ABLIM2: variants seen among roughly 807,000 people sequenced by gnomAD.
ABLIM2 encodes actin binding LIM protein family member 2.
ABLIM2 carries 53 observed loss-of-function variants against 97.7 expected under a neutral mutation model. The observed-to-expected ratio is 0.54, with a 90% CI of 0.44 to 0.68. The LOEUF is 0.68. Among genes scored for constraint, ABLIM2 ranks in the 30% least tolerant of loss-of-function variants. The probability of loss-of-function intolerance (pLI) is 0.00; values close to 1 mark genes in which losing one functional copy is unlikely to be tolerated. For missense variants in ABLIM2, 835 were observed against 867.2 expected (o/e 0.96, Z 0.47); for synonymous variants, 361 against 345.8 (o/e 1.04, Z -0.49).
Position 8,054,012 on chromosome 4 carries a change from T to C in ABLIM2, c.822+176A>G, listed in dbSNP as rs1797545105. 6.6e-6 allele frequency among the ~76,000 whole-genome samples: 1 copy of C among 152,218 alleles called. No individual in the cohort carries two copies. Among genetic ancestry groups the C allele is most frequent in the South Asian group, 2.1e-4 (1 of 4,822 alleles). ...AGATGCCCTTGTTCCATCTGTATTA[T>C]TGCTCACCAGTCTACTTGTTTACCC... On this transcript the variant is annotated intron_variant, in intron 8 of 20. Transcript: ENST00000447017. The surrounding 1 kb of genome is among the most constrained non-coding windows in gnomAD (Gnocchi z 4.9).
At chr4:8,093,039 G>A (rs1273842856) in intron 3 of ABLIM2, among the ~76,000 whole-genome samples, 1 of 152,034 alleles carries the variant, frequency 6.6e-6, no homozygotes, top group African/African-American at 2.4e-5. Context: ...AGTAGAGACA[G>A]GGTTTCACCA....
rs1007300004 is a variant in ABLIM2, at chr4:8,087,083, G to A, written c.454+1086C>T. Among the ~76,000 whole-genome samples, 3 of 152,206 alleles carry A rather than the reference G, an allele frequency of 2.0e-5. No homozygotes were observed. Among genetic ancestry groups the A allele is most frequent in the Admixed American group, 1.3e-4 (2 of 15,284 alleles). On this transcript the variant is annotated intron_variant, in intron 4 of 20. Coordinates refer to ENST00000447017, the MANE Select transcript of ABLIM2 (RefSeq NM_001130083.2). This position sits in a 1 kb window ranked among gnomAD's most constrained non-coding sequence, Gnocchi z 4.6. ...TCAACGCAGCAGACAAGGTGGGGGAGAAAGGAGGCATTTGACACAGGAGAG... is the reference window on the plus strand; with the variant it reads ...TCAACGCAGCAGACAAGGTGGGGGAAAAAGGAGGCATTTGACACAGGAGAG...
rs1775162570 is a variant in ABLIM2 at position 8,023,278 on chromosome 4, T to C, written c.1268-2975A>G. Among the ~76,000 whole-genome samples, 1 of 152,182 alleles carries C rather than the reference T, an allele frequency of 6.6e-6. No individual in the cohort carries two copies. Among genetic ancestry groups the C allele is most frequent in the Non-Finnish European group, 1.5e-5 (1 of 68,026 alleles). ...CGGGTGTCACCTGATGTTCTTCCGC[T>C]CCAGGATCCCACCCAGGAAACATGA... is the stretch of plus-strand genomic sequence containing the variant. On this transcript the variant is annotated intron_variant, in intron 12 of 20. Coordinates refer to ENST00000447017, the MANE Select transcript of ABLIM2 (RefSeq NM_001130083.2). This position sits in a 1 kb window ranked among gnomAD's most constrained non-coding sequence, Gnocchi z 5.7.
chr4:8,020,664 G>A, intron 12 of ABLIM2: 1 of 311,586 alleles, frequency 3.2e-6, no homozygotes, highest in Non-Finnish European at 6.0e-6. Flanking sequence ...CCAAAACAAA[G>A]GCCCCTCTTC....
At position 8,068,578 on chromosome 4, in the gene ABLIM2, T is replaced by G. The variant is rs1165014850; in HGVS notation, c.676-7524A>C. On this transcript the variant is annotated intron_variant, in intron 6 of 20. Coordinates refer to ENST00000447017, the MANE Select transcript of ABLIM2 (RefSeq NM_001130083.2). This position sits in a 1 kb window ranked among gnomAD's most constrained non-coding sequence, Gnocchi z 4.5. ...GAGAATGGATCAGCCCTCTCTGCCATGAGCCCCTCACACCTGAGGCAGGAG... is the reference window on the plus strand; with the variant it reads ...GAGAATGGATCAGCCCTCTCTGCCAGGAGCCCCTCACACCTGAGGCAGGAG... Among the ~76,000 whole-genome samples, 6 of 152,218 alleles carry G rather than the reference T, an allele frequency of 3.9e-5. No homozygotes were observed. The highest frequency in any genetic ancestry group is 7.3e-5 in the Non-Finnish European group (5 of 68,038).
At chr4:8,027,417 G>GC (rs1206372188) in intron 12 of ABLIM2, among the ~76,000 whole-genome samples, 2 of 152,258 alleles carry the variant, frequency 1.3e-5, no homozygotes, top group South Asian at 2.1e-4. Flanking sequence ...GAGCACCTGT[G>GC]CCCCCCGGCT....
rs1274531483 is a variant in ABLIM2 at position 8,130,092 on chromosome 4, C to G, written c.11-23455G>C. Among the ~76,000 whole-genome samples the G allele has an allele frequency of 6.6e-6, 1 of 152,232 alleles. No homozygotes were observed. The highest frequency in any genetic ancestry group is 1.5e-5 in the Non-Finnish European group (1 of 68,042). On this transcript the variant is annotated intron_variant, in intron 1 of 20. Transcript: ENST00000447017. The surrounding 1 kb of genome is among the most constrained non-coding windows in gnomAD (Gnocchi z 4.2). ...CTGGCCTCCAGCCTGCTGTTCACCCCTAAGCATCTAGTTTATTCAAAGGCA... is the reference window on the plus strand; with the variant it reads ...CTGGCCTCCAGCCTGCTGTTCACCCGTAAGCATCTAGTTTATTCAAAGGCA...
At chr4:8,066,699 A>C (rs1388097648) in intron 6 of ABLIM2, 2 of 152,150 alleles carry the variant, frequency 1.3e-5, no homozygotes, top group Non-Finnish European at 2.9e-5. Flanking sequence ...CGGAGCAGGC[A>C]AATCCATGGA....
intron 4 of ABLIM2, among the ~76,000 whole-genome samples, chr4:8,084,031 G>T (rs183913560): frequency 3.4e-4 from 52 of 152,088 alleles, no homozygotes; most frequent in African/African-American, 1.2e-3. Flanking sequence ...TCTAACTGGG[G>T]GTCAGGGGAG....
At chr4:7,985,155 C>T (rs1372216698) in intron 17 of ABLIM2, among the ~76,000 whole-genome samples, 3 of 152,202 alleles carry the variant, frequency 2.0e-5, no homozygotes, top group Non-Finnish European at 4.4e-5. Context: ...CTCCACAGAC[C>T]CTTCCTGTGT....
chr4:8,034,106 C>T (rs569426809), intron 10 of ABLIM2, among the ~76,000 whole-genome samples: 7 of 152,268 alleles, frequency 4.6e-5, no homozygotes, highest in South Asian at 2.1e-4. Flanking sequence ...GTGGTCTTTG[C>T]GGGGAAGAAG....
rs774227789 is a variant in ABLIM2, at chr4:8,077,639, G to A, written c.664C>T (p.Arg222Cys). ...CDSCEKYITG[R>C]VLEAGEKHYH... ...CCCGCCGCGCTTACCTCCAGCACGC[G>A]CCCCGTGATGTATTTCTCACAGCTG... The change falls in exon 6 of 21, where the codon CGC becomes TGC. Residue 222 changes from arginine to cysteine, a missense_variant. Transcript: ENST00000447017. The A allele has an allele frequency of 2.8e-5, 45 of 1,610,800 alleles. No individual in the cohort carries two copies. The East Asian group carries it at 5.1e-4, about 18-fold the overall frequency.
chr4:8,069,998 CTG>C lies in ABLIM2; in HGVS notation c.675+7628_675+7629del, dbSNP rs1561144006. Among the ~76,000 whole-genome samples, 1 of 151,828 alleles carries C rather than the reference CTG, an allele frequency of 6.6e-6. No individual in the cohort carries two copies. The highest frequency in any genetic ancestry group is 1.5e-5 in the Non-Finnish European group (1 of 67,982). ...TGCACGTCTTGTATGTGTATGTGAT[CTG>C]TGTGTCCTTTTGTGTGTTTGTGTGT... On this transcript the variant is annotated intron_variant, in intron 6 of 20. Coordinates refer to ENST00000447017, the MANE Select transcript of ABLIM2 (RefSeq NM_001130083.2). The surrounding 1 kb of genome is among the most constrained non-coding windows in gnomAD (Gnocchi z 4.2).
At chr4:8,059,863 G>A (rs1350642653) in intron 7 of ABLIM2, among the ~76,000 whole-genome samples, 1 of 147,874 alleles carries the variant, frequency 6.8e-6, no homozygotes, top group African/African-American at 2.5e-5. Flanking sequence ...CCAAGATCTT[G>A]CCACTGCACT....
intron 1 of ABLIM2, among the ~76,000 whole-genome samples, chr4:8,126,451 T>C (rs1847980752): frequency 8.8e-6 from 1 of 113,728 alleles, no homozygotes. Flanking sequence ...TCTCCCCTCA[T>C]CTCACTCCCC....
intron 5 of ABLIM2, among the ~76,000 whole-genome samples, chr4:8,078,863 G>A (rs1817958742): frequency 6.6e-6 from 1 of 152,226 alleles, no homozygotes. Context: ...CACGTGTGGG[G>A]GTGACTGGCA....
rs1257969452 is a variant in ABLIM2 at position 8,082,022 on chromosome 4, T to C, written c.455-1220A>G. The stretch of plus-strand genomic sequence containing the variant: ...ACGTGAGAGTGTGTCTGTGTGTTTG[T>C]CGAAGTGTGTGTCTGCGTGTGTTTA... On this transcript the variant is annotated intron_variant, in intron 4 of 20. Transcript: ENST00000447017. The surrounding 1 kb of genome is among the most constrained non-coding windows in gnomAD (Gnocchi z 5.6). 6.6e-6 allele frequency among the ~76,000 whole-genome samples: 1 copy of C among 152,118 alleles called. No individual in the cohort carries two copies. Among genetic ancestry groups the C allele is most frequent in the African/African-American group, 2.4e-5 (1 of 41,406 alleles).
intron 15 of ABLIM2, among the ~76,000 whole-genome samples, chr4:8,008,801 T>C (rs1323568440): frequency 6.6e-6 from 1 of 152,184 alleles, no homozygotes; most frequent in African/African-American, 2.4e-5. Flanking sequence ...CCTTTCACGG[T>C]ACACATCTCT....
At chr4:8,048,062 G>A (rs1191413391) in intron 8 of ABLIM2, among the ~76,000 whole-genome samples, 1 of 152,222 alleles carries the variant, frequency 6.6e-6, no homozygotes, top group Non-Finnish European at 1.5e-5. Context: ...ACGGGGCCAG[G>A]GGCCAGGTTT....
Sources: gnomAD v4.1 joint callset for allele counts (sites outside exome capture counted in the v4.1 genomes callset) on GRCh38, gnomAD v4.1.1 for gene constraint, Gnocchi (gnomAD v3.1) non-coding constraint, MANE v1.5 for transcripts, NCBI Gene and HGNC (gene_info 2026-07-23, HGNC 2026-07-21) for gene names.